The following CARS2 variants were observed in gnomAD, a reference collection of about 807,000 sequenced individuals.
CARS2 encodes cysteinyl-tRNA synthetase 2, mitochondrial, also known as probable cysteine--tRNA ligase, mitochondrial.
A neutral mutation model predicts 68.8 loss-of-function variants in CARS2; 52 were observed. The ratio of observed to expected loss-of-function variants is 0.76; its 90% CI spans 0.61 to 0.95. The LOEUF is 0.95. Among genes scored for constraint, CARS2 ranks in the 40% least tolerant of loss-of-function variants. The pLI is 0.00. For synonymous variants in CARS2, 314 were observed against 303.6 expected (o/e 1.03, Z -0.36); for missense variants, 780 against 754.2 (o/e 1.03, Z -0.40).
chr13:110,693,245 C>T (rs138061804), intron 3 of CARS2, among the ~76,000 whole-genome samples: 1 of 152,190 alleles, frequency 6.6e-6, no homozygotes, highest in East Asian at 1.9e-4. Flanking sequence ...CTTCTCTGCA[C>T]GTGGCTGCAC....
chr13:110,685,729 A>T (rs1041801089), intron 5 of CARS2, among the ~76,000 whole-genome samples: 20 of 152,144 alleles, frequency 1.3e-4, no homozygotes, highest in Admixed American at 3.9e-4. Context: ...GGTGAAGGAG[A>T]ACTTCATGGA....
At chr13:110,694,347 A>G (rs1229136569) in intron 3 of CARS2, among the ~76,000 whole-genome samples, 1 of 150,100 alleles carries the variant, frequency 6.7e-6, no homozygotes, top group Non-Finnish European at 1.5e-5. Context: ...CTTAATATAA[A>G]ATGTTACTGG....
chr13:110,654,888 A>G (rs1280326095), intron 9 of CARS2, among the ~76,000 whole-genome samples: 1 of 146,570 alleles, frequency 6.8e-6, no homozygotes, highest in Non-Finnish European at 1.5e-5. Context: ...GTGCCACTGC[A>G]CCAGGTACCC....
chr13:110,691,565 G>A (rs1289046930), intron 3 of CARS2, among the ~76,000 whole-genome samples: 1 of 152,088 alleles, frequency 6.6e-6, no homozygotes, highest in Non-Finnish European at 1.5e-5. Flanking sequence ...TCTCTGACCT[G>A]CCTTGAATGC....
At chr13:110,661,982 A>T (rs1275196765) in intron 9 of CARS2, among the ~76,000 whole-genome samples, 2 of 152,240 alleles carry the variant, frequency 1.3e-5, no homozygotes, top group Non-Finnish European at 2.9e-5. Context: ...AAACTTTGAA[A>T]TATTGCAAGA....
chr13:110,695,760 G>T (rs564103646), intron 3 of CARS2, among the ~76,000 whole-genome samples: 5 of 151,000 alleles, frequency 3.3e-5, no homozygotes, highest in Admixed American at 3.3e-4. Context: ...GTTTACATTG[G>T]ATAAAAAGAA....
chr13:110,644,832 C>G (rs1186099956), intron 12 of CARS2: 1 of 244,948 alleles, frequency 4.1e-6, no homozygotes, highest in South Asian at 6.2e-5. Context: ...ACGGGGAAAT[C>G]CTGGTACGTG....
intron 3 of CARS2, among the ~76,000 whole-genome samples, chr13:110,693,301 C>T (rs1245560207): frequency 6.6e-6 from 1 of 152,054 alleles, no homozygotes; most frequent in Non-Finnish European, 1.5e-5. Context: ...ACAAATGCTA[C>T]AATGACAAGG....
Position 110,705,766 on chromosome 13 carries a change from C to T in CARS2, c.224+104G>A. The T allele has an allele frequency of 6.5e-7, 1 of 1,532,526 alleles. No homozygotes were observed. The highest frequency in any genetic ancestry group is 1.4e-5 in the African/African-American group (1 of 72,996). The allele number at this position is 1,532,526 out of a possible 1,614,324, so 94.9% of individuals were successfully genotyped here. ...CCCCAGCTTCTAGAACGGCGCCCTC[C>T]ATGCAGCTTCCTAAACGCCCTCCCC... On this transcript the variant is annotated intron_variant, in intron 1 of 14. Coordinates refer to ENST00000257347, the MANE Select transcript of CARS2 (RefSeq NM_024537.4). This position sits in a 1 kb window ranked among gnomAD's most constrained non-coding sequence, Gnocchi z 4.0.
In CARS2 at chr13:110,683,061, G is replaced by A. The variant is rs776642452; in HGVS notation, c.645C>T (p.Val215=). ...GCCCGGCCAACCCACCTGGCTCTCC[G>A]ACTGGACCAGGGACCACGCCGACCA... ...GKLVGVVPGP[V]GEPADSDKRH... is the part of the protein sequence containing the mutation. The change falls in exon 6 of 15, where the codon GTC becomes GTT. Residue 215 remains valine (V), a synonymous_variant. Coordinates refer to ENST00000257347, the MANE Select transcript of CARS2 (RefSeq NM_024537.4). The A allele has an allele frequency of 7.5e-6, 12 of 1,600,380 alleles. No homozygotes were observed. Among genetic ancestry groups the A allele is most frequent in the African/African-American group, 1.4e-5 (1 of 73,940 alleles).
intron 1 of CARS2, among the ~76,000 whole-genome samples, chr13:110,711,595 G>T (rs571493704): frequency 1.3e-5 from 2 of 152,190 alleles, no homozygotes; most frequent in Non-Finnish European, 2.9e-5. Context: ...TTTTAACTAG[G>T]CCAAGACTAG....
intron 9 of CARS2, among the ~76,000 whole-genome samples, chr13:110,657,096 ATTTAT>A (rs999375727): frequency 1.6e-4 from 24 of 152,036 alleles, no homozygotes; most frequent in African/African-American, 5.8e-4. Flanking sequence ...AAGTTTTTAA[ATTTAT>A]TTTGTGTGTA....
intron 3 of CARS2, among the ~76,000 whole-genome samples, chr13:110,688,322 G>A (rs916712510): frequency 6.6e-6 from 1 of 152,202 alleles, no homozygotes; most frequent in Non-Finnish European, 1.5e-5. Flanking sequence ...AGCGGCTCAC[G>A]CCTGTAATCC....
chr13:110,710,988 G>A (rs1374023869), upstream of CARS2, among the ~76,000 whole-genome samples: 1 of 151,856 alleles, frequency 6.6e-6, no homozygotes, highest in African/African-American at 2.4e-5. Context: ...TCTTTGTAAA[G>A]GGTAAATTAC....
Position 110,705,465 on chromosome 13 carries a change from G to A in CARS2, c.275+56C>T. On this transcript the variant is annotated intron_variant, in intron 2 of 14. Coordinates refer to ENST00000257347, the MANE Select transcript of CARS2 (RefSeq NM_024537.4). The surrounding 1 kb of genome is among the most constrained non-coding windows in gnomAD (Gnocchi z 4.0). ...AAGAGATAAAAGAAATCAGCAAAAG[G>A]CTTTCAAAAATAAATGGTCCTTTGA... The A allele has an allele frequency of 8.0e-7, 1 of 1,257,558 alleles. No homozygotes were observed. The highest frequency in any genetic ancestry group is 1.1e-6 in the Non-Finnish European group (1 of 891,566). The allele number at this position is 1,257,558 out of a possible 1,614,324, so 77.9% of individuals were successfully genotyped here. A position where few individuals can be genotyped will look rare whatever the true frequency, so the allele number is the denominator to read the frequency against.
chr13:110,649,186 C>T (rs1182824366), intron 10 of CARS2: 1 of 152,274 alleles, frequency 6.6e-6, no homozygotes, highest in Non-Finnish European at 1.5e-5. Context: ...CAGGCGAGCA[C>T]GAGGCTGGCC....
At chr13:110,677,451 C>T (rs1211763639) in intron 6 of CARS2, among the ~76,000 whole-genome samples, 2 of 148,206 alleles carry the variant, frequency 1.3e-5, no homozygotes, top group Admixed American at 6.7e-5. Flanking sequence ...AACACAATCA[C>T]CCCACCACGG....
chr13:110,648,978 G>C (rs2062123968), intron 10 of CARS2: 1 of 152,232 alleles, frequency 6.6e-6, no homozygotes, highest in African/African-American at 2.4e-5. Flanking sequence ...CACGAGGGGA[G>C]CAAGCACGAG....
chr13:110,645,920 C>T (rs758399378), intron 12 of CARS2, 47 bp downstream of exon 12: 61 of 1,598,750 alleles, frequency 3.8e-5, no homozygotes, highest in Non-Finnish European at 3.9e-5. Flanking sequence ...GGACCCGACC[C>T]ATGCCCCTGG....
Sources: gnomAD v4.1 joint callset for allele counts (sites outside exome capture counted in the v4.1 genomes callset) on GRCh38, gnomAD v4.1.1 for gene constraint, Gnocchi (gnomAD v3.1) non-coding constraint, MANE v1.5 for transcripts, NCBI Gene and HGNC (gene_info 2026-07-23, HGNC 2026-07-21) for gene names.